Variants in RYR3 observed in about 807,000 individuals in gnomAD.
The protein encoded by RYR3 is ryanodine receptor 3.
Under a neutral mutation model 584.3 loss-of-function variants are expected in RYR3, and 207 were observed. The ratio of observed to expected loss-of-function variants is 0.35; its 90% CI spans 0.32 to 0.40. The LOEUF (loss-of-function observed/expected upper bound fraction) is 0.40. Ranked by LOEUF, RYR3 falls within the 10% of genes least tolerant of loss-of-function variation. The pLI is 1.00. For missense variants in RYR3, 5,616 were observed against 6,089.2 expected (o/e 0.92, Z 2.59); for synonymous variants, 2,416 against 2,248.5 (o/e 1.07, Z -2.11).
intron 3 of RYR3, among the ~76,000 whole-genome samples, chr15:33,513,571 G>A (rs1025510728): frequency 1.3e-5 from 2 of 152,248 alleles, no homozygotes; most frequent in African/African-American, 2.4e-5. Flanking sequence ...GACGAAAGCT[G>A]AAGGCAGAAT....
chr15:33,522,107 A>AAC lies in RYR3; in HGVS notation c.280-8484_280-8483insCA, dbSNP rs1555510623. On this transcript the variant is annotated intron_variant, in intron 3 of 103. Transcript: ENST00000634891. ...CATCTCTACTTAAAAAAAAAAAAAA[A>AAC]AAAAAACTAGCCAGGTGTGGTGGTG... Among the ~76,000 whole-genome samples, 52 of 150,760 alleles carry AAC rather than the reference A, an allele frequency of 3.4e-4. 1 individual carries two copies. The highest frequency in any genetic ancestry group is 1.0e-3 in the African/African-American group (43 of 41,126).
chr15:33,451,772 G>A (rs1217934233), intron 1 of RYR3, among the ~76,000 whole-genome samples: 4 of 152,166 alleles, frequency 2.6e-5, no homozygotes, highest in Non-Finnish European at 2.9e-5. Flanking sequence ...CTGCTTTATA[G>A]TTTATAGGAT....
chr15:33,394,778 A>C (rs2596193), intron 1 of RYR3, among the ~76,000 whole-genome samples: 74,182 of 152,062 alleles, frequency 0.49, 18,451 homozygotes, highest in Non-Finnish European at 0.51. Flanking sequence ...AAGTCAAGCT[A>C]ATTTCTAAAT....
At chr15:33,573,769 G>C (rs1268353546) in intron 12 of RYR3, among the ~76,000 whole-genome samples, 1 of 152,202 alleles carries the variant, frequency 6.6e-6, no homozygotes, top group Non-Finnish European at 1.5e-5. Flanking sequence ...TTTCTGAGTT[G>C]AGGCTCTGAC....
At chr15:33,344,533 A>G (rs1972205867) in intron 1 of RYR3, among the ~76,000 whole-genome samples, 1 of 151,892 alleles carries the variant, frequency 6.6e-6, no homozygotes, top group South Asian at 2.1e-4. Flanking sequence ...GGAATCATCT[A>G]GTTCATATAG....
At chr15:33,701,129 G>A (rs1159099349) in intron 42 of RYR3, 49 bp downstream of exon 42, 1 of 1,249,924 alleles carries the variant, frequency 8.0e-7, no homozygotes, top group African/African-American at 1.5e-5. Context: ...GGCCTGTAGT[G>A]CAGCTAAGCT....
intron 86 of RYR3, among the ~76,000 whole-genome samples, chr15:33,834,289 C>CACACACACAG (rs1363190919): frequency 1.6e-5 from 2 of 125,844 alleles, no homozygotes; most frequent in African/African-American, 6.5e-5. Context: ...GTCTTAAACA[C>CACACACACAG]ACACACACAC....
rs577489270 is a variant in RYR3 at position 33,719,449 on chromosome 15, G to T, written c.6620-3266G>T. ...AATTCAACATGCTGGTAAAATCGGT[G>T]GCTGACCCACAAGCATTTCCACCAG... On this transcript the variant is annotated intron_variant, in intron 43 of 103. Transcript: ENST00000634891. Among the ~76,000 whole-genome samples the T allele has an allele frequency of 2.0e-5, 3 of 152,280 alleles. No individual in the cohort carries two copies. The East Asian group carries it at 5.8e-4, about 29-fold the overall frequency.
intron 43 of RYR3, among the ~76,000 whole-genome samples, chr15:33,711,739 C>G (rs992106954): frequency 6.6e-6 from 1 of 152,220 alleles, no homozygotes; most frequent in Admixed American, 6.5e-5. Context: ...GAGACCTCAG[C>G]AGCTTGGACT....
chr15:33,586,360 T>C (rs1204441723), intron 16 of RYR3, among the ~76,000 whole-genome samples: 1 of 152,144 alleles, frequency 6.6e-6, no homozygotes, highest in Non-Finnish European at 1.5e-5. Flanking sequence ...CATTAACCCT[T>C]AACACCAGCT....
chr15:33,580,130 C>T lies in RYR3; in HGVS notation c.1423C>T (p.Leu475Phe). The change falls in exon 13 of 104, where the codon CTT (leucine) becomes TTT (phenylalanine). Residue 475 changes from leucine to phenylalanine, a missense_variant. Around this residue, in one of 9 missense-constraint regions of RYR3, gnomAD observed 1,284 missense variants for 1,344.6 expected, o/e 0.95. Coordinates refer to ENST00000634891, the MANE Select transcript of RYR3 (RefSeq NM_001036.6). ...KLRSLKNRQN[L>F]FKEEGMLALV... is the part of the protein sequence containing the mutation. ...CCGCTCACTCAAAAACAGACAAAAT[C>T]TTTTCAAGGAAGAGGTAAGTCGAAA... The T allele has an allele frequency of 6.2e-7, 1 of 1,606,242 alleles. No homozygotes were observed. The highest frequency in any genetic ancestry group is 2.2e-5 in the East Asian group (1 of 44,518).
At chr15:33,664,182 C>G (rs572228704) in intron 36 of RYR3, among the ~76,000 whole-genome samples, 1 of 152,310 alleles carries the variant, frequency 6.6e-6, no homozygotes, top group Admixed American at 6.5e-5. Flanking sequence ...TCTAATGCGT[C>G]TAAACCCCCT....
intron 29 of RYR3, 119 bp downstream of exon 29, chr15:33,646,645 G>T (rs955850791): frequency 1.8e-5 from 17 of 928,794 alleles, no homozygotes; most frequent in Non-Finnish European, 2.7e-5. Flanking sequence ...TCTGCTTTCA[G>T]TCAGGTAAAA....
At chr15:33,349,915 G>A (rs1454417123) in intron 1 of RYR3, among the ~76,000 whole-genome samples, 1 of 150,968 alleles carries the variant, frequency 6.6e-6, no homozygotes, top group East Asian at 1.9e-4. Flanking sequence ...CCCTACAAAG[G>A]ACATGAACTT....
chr15:33,679,234 C>T (rs370044280), intron 38 of RYR3, among the ~76,000 whole-genome samples: 2 of 143,116 alleles, frequency 1.4e-5, no homozygotes, highest in East Asian at 4.4e-4. Context: ...CAGGAAGCTT[C>T]ATTTCTCTGC....
Position 33,828,976 on chromosome 15 carries a change from T to C in RYR3, c.11334+1689T>C, listed in dbSNP as rs376517592. Among the ~76,000 whole-genome samples, 26 of 152,326 alleles carry C rather than the reference T, an allele frequency of 1.7e-4. No homozygotes were observed. The East Asian group carries it at 4.6e-3, about 27-fold the overall frequency. On this transcript the variant is annotated intron_variant, in intron 85 of 103. Coordinates refer to ENST00000634891, the MANE Select transcript of RYR3 (RefSeq NM_001036.6). ...TTCAAAGGACAGGCTGACTTTCTTA[T>C]TAGGGGCAGCCCAGCTGGTAGCTTT... is the stretch of plus-strand genomic sequence containing the variant.
intron 2 of RYR3, among the ~76,000 whole-genome samples, chr15:33,499,178 CCT>C (rs1372580084): frequency 6.6e-6 from 1 of 151,218 alleles, no homozygotes; most frequent in Non-Finnish European, 1.5e-5. Context: ...TACTCCCCTC[CCT>C]CTCTCTCCCT....
intron 50 of RYR3, 28 bp from the exon 51 acceptor site, chr15:33,739,804 C>T: frequency 1.2e-6 from 2 of 1,603,570 alleles, no homozygotes; most frequent in Non-Finnish European, 8.5e-7. Context: ...GCTTTCTCTA[C>T]TAATGTGGCC....
chr15:33,806,639 A>T (rs2076227477), intron 69 of RYR3, among the ~76,000 whole-genome samples: 1 of 152,158 alleles, frequency 6.6e-6, no homozygotes, highest in African/African-American at 2.4e-5. Context: ...CCCCAACCTA[A>T]GGCATGTTTA....
Sources: gnomAD v4.1 joint callset for allele counts (sites outside exome capture counted in the v4.1 genomes callset) on GRCh38, gnomAD v4.1.1 for gene constraint, gnomAD v4.1.1 regional missense constraint, MANE v1.5 for transcripts, NCBI Gene and HGNC (gene_info 2026-07-23, HGNC 2026-07-21) for gene names.